INO80E: variants seen among roughly 807,000 people sequenced by gnomAD.
The protein encoded by INO80E is coiled-coil domain containing 95.
INO80E carries 20 observed loss-of-function variants against 27.3 expected under a neutral mutation model. That is an observed-to-expected ratio of 0.73 (90% CI 0.51 to 1.06). The LOEUF (loss-of-function observed/expected upper bound fraction) is 1.06, where lower values mean the gene tolerates loss of function less well. Among genes scored for constraint, INO80E ranks in the 50% least tolerant of loss-of-function variants. The pLI is 0.00. For missense variants in INO80E, 357 were observed against 322.8 expected, an observed-to-expected ratio of 1.11 and a Z score of -0.81; for synonymous variants, 167 against 145.9, an observed-to-expected ratio of 1.14 and a Z score of -1.04.
At chr16:30,001,158 C>T in intron 5 of INO80E, 118 bp downstream of exon 5, 2 of 1,471,138 alleles carry the variant, frequency 1.4e-6, no homozygotes, top group Non-Finnish European at 1.8e-6. Flanking sequence ...TGGGTGTGGC[C>T]CAAGTGTCCC....
At chr16:30,000,191 G>A (rs763083067) in intron 3 of INO80E, among the ~76,000 whole-genome samples, 1 of 152,102 alleles carries the variant, frequency 6.6e-6, no homozygotes, top group Non-Finnish European at 1.5e-5. Context: ...GTGGTGAGTG[G>A]GAAAGAGCCT....
intron 3 of INO80E, chr16:29,999,670 A>G (rs927825514): frequency 6.6e-6 from 1 of 152,264 alleles, no homozygotes. Flanking sequence ...ACTAGGAAAT[A>G]CATTTCTTTT....
chr16:30,001,410 G>C lies in INO80E; in HGVS notation c.397-4G>C. ...CCCATCTCCATCCCCGCTCCCGCCCGCAGCTGGCCTCCTCCCGCTACCCCC... is the reference window on the plus strand; with the variant it reads ...CCCATCTCCATCCCCGCTCCCGCCCCCAGCTGGCCTCCTCCCGCTACCCCC... On this transcript the variant is annotated splice_region_variant and splice_polypyrimidine_tract_variant and intron_variant, in intron 5 of 6. Transcript: ENST00000563197. 25 of 1,584,646 alleles carry C rather than the reference G, an allele frequency of 1.6e-5. No individual in the cohort carries two copies. Among genetic ancestry groups the C allele is most frequent in the Non-Finnish European group, 2.1e-5 (25 of 1,163,990 alleles).
chr16:30,001,472 A>G lies in INO80E; in HGVS notation c.455A>G (p.Glu152Gly), dbSNP rs768679908. ...GACTACCTGGCCCTGCAGCTGCCCGAGCCCAGTCCCCTGAGGCCCAAGCGG... is the reference window on the plus strand; with the variant it reads ...GACTACCTGGCCCTGCAGCTGCCCGGGCCCAGTCCCCTGAGGCCCAAGCGG... ...PSDYLALQLP[E>G]PSPLRPKREK... Residue 152 changes from glutamate (E) to glycine (G), a missense_variant, in exon 6 of 7, where the codon GAG becomes GGG. Glu to Gly is a moderately conservative substitution (Grantham distance 98, BLOSUM62 -2). Transcript: ENST00000563197. The G allele has an allele frequency of 6.2e-7, 1 of 1,613,016 alleles. No homozygotes were observed. The highest frequency in any genetic ancestry group is 1.1e-5 in the South Asian group (1 of 90,958).
rs751046777 is a variant in INO80E at position 30,001,434 on chromosome 16, C to G, written c.417C>G (p.Pro139=). The change falls in exon 6 of 7, where the codon CCC becomes CCG. Residue 139 remains proline, a synonymous_variant. Transcript: ENST00000563197. Reference sequence around the variant, plus strand: ...CGCAGCTGGCCTCCTCCCGCTACCCCCCATTCCCTTCTGACTACCTGGCCC... The same window carrying G: ...CGCAGCTGGCCTCCTCCCGCTACCCGCCATTCCCTTCTGACTACCTGGCCC... ...YLSSLASSRY[P]PFPSDYLALQ... The G allele has an allele frequency of 2.5e-6, 4 of 1,609,772 alleles. No individual in the cohort carries two copies. Among genetic ancestry groups the G allele is most frequent in the Admixed American group, 3.4e-5 (2 of 59,554 alleles).
chr16:29,996,716 A>G, intron 2 of INO80E, 92 bp from the exon 3 acceptor site: 1 of 1,591,408 alleles, frequency 6.3e-7, no homozygotes, highest in East Asian at 2.2e-5. Context: ...GGCTCTTTCA[A>G]GTATCCGATG....
At position 30,005,252 on chromosome 16, in the gene INO80E, G is replaced by C. The variant is rs574618029; in HGVS notation, c.545G>C (p.Gly182Ala). ...GTGGGACCCCCCGACTGCCCTGTGG[G>C]AGGGCCGCTGACCTTCCCTGGCCGG... ...MAVGPPDCPV[G>A]GPLTFPGRGS... Residue 182 changes from glycine (G) to alanine (A), a missense_variant, in exon 7 of 7, where the codon GGA becomes GCA. Transcript: ENST00000563197. The C allele has an allele frequency of 6.8e-6, 10 of 1,470,520 alleles. No individual in the cohort carries two copies. In the African/African-American group the frequency reaches 1.2e-4, roughly 17 times the overall value. The allele number at this position is 1,470,520 out of a possible 1,614,324, so 91.1% of individuals were successfully genotyped here. A position where few individuals can be genotyped will look rare whatever the true frequency, so the allele number is the denominator to read the frequency against.
At chr16:30,001,232 G>C (rs1180955530) in intron 5 of INO80E, 182 bp from the exon 6 acceptor site, 2 of 1,492,270 alleles carry the variant, frequency 1.3e-6, no homozygotes, top group Admixed American at 2.3e-5. Flanking sequence ...AGGCCTGACT[G>C]AGGAGAGCAA....
Position 30,000,855 on chromosome 16 carries a change from C to T in INO80E, c.284+19C>T, listed in dbSNP as rs755193308. ...CTAAGAGGTGAGAAGAAGATGCATT[C>T]CTCTCGCTGGGGAGGGTCAGGTGGG... On this transcript the variant is annotated intron_variant, in intron 4 of 6. Coordinates refer to ENST00000563197, the MANE Select transcript of INO80E (RefSeq NM_173618.3). The T allele has an allele frequency of 6.2e-7, 1 of 1,613,260 alleles. No homozygotes were observed. Among genetic ancestry groups the T allele is most frequent in the African/African-American group, 1.3e-5 (1 of 75,044 alleles).
chr16:29,999,042 C>T (rs59419098), intron 3 of INO80E, among the ~76,000 whole-genome samples: 20,572 of 149,550 alleles, frequency 0.14, 2,496 homozygotes, highest in African/African-American at 0.32. Flanking sequence ...AAGACTCCGT[C>T]TCAAAAAAAA....
chr16:30,000,870 G>C (rs2070323050), intron 4 of INO80E, 34 bp downstream of exon 4: 3 of 1,611,858 alleles, frequency 1.9e-6, no homozygotes, highest in Non-Finnish European at 2.5e-6. Context: ...CGCTGGGGAG[G>C]GTCAGGTGGG....
intron 6 of INO80E, among the ~76,000 whole-genome samples, chr16:30,004,874 G>A (rs1327339072): frequency 6.6e-6 from 1 of 152,136 alleles, no homozygotes; most frequent in Non-Finnish European, 1.5e-5. Context: ...CTCCGGGGCC[G>A]GCAGGCAGGC....
chr16:30,000,676 T>G, intron 3 of INO80E, 82 bp from the exon 4 acceptor site: 1 of 1,159,688 alleles, frequency 8.6e-7, no homozygotes, highest in South Asian at 1.3e-5. Context: ...TCCAGTGCCC[T>G]TCTGTAGTGT....
intron 3 of INO80E, among the ~76,000 whole-genome samples, chr16:29,997,961 G>C (rs1013677598): frequency 3.3e-5 from 5 of 151,596 alleles, no homozygotes; most frequent in Non-Finnish European, 7.4e-5. Context: ...GTATACATGT[G>C]GTCCCAGCTA....
chr16:29,996,503 C>T (rs2070119387), intron 1 of INO80E, 44 bp from the exon 2 acceptor site: 1 of 1,553,240 alleles, frequency 6.4e-7, no homozygotes. Context: ...CGGGGCCCTT[C>T]ACGGAGGACC....
chr16:30,001,515 GC>G lies in INO80E; in HGVS notation c.502del (p.Arg168GlyfsTer18). 2 of 1,612,798 alleles carry G rather than the reference GC, an allele frequency of 1.2e-6. No homozygotes were observed. Among genetic ancestry groups the G allele is most frequent in the Non-Finnish European group, 1.7e-6 (2 of 1,179,510 alleles). On this transcript the variant is annotated frameshift_variant, in exon 6 of 7. Transcript: ENST00000563197. LOFTEE classifies it high-confidence loss of function. ...CCAAGCGGGAGAAACGGCCCCGCCT[GC>G]CCCGGAAACTCAAGGTACCCTGACG... ...RPKREKRPRL[P>X]RKLKMAVGPP...
chr16:29,999,131 G>T (rs906643579), intron 3 of INO80E: 1 of 152,192 alleles, frequency 6.6e-6, no homozygotes, highest in South Asian at 2.1e-4. Flanking sequence ...TTGTCAGAAC[G>T]CATGATACCC....
chr16:29,997,374 T>C (rs2070169207), intron 3 of INO80E, among the ~76,000 whole-genome samples: 1 of 152,126 alleles, frequency 6.6e-6, no homozygotes, highest in Non-Finnish European at 1.5e-5. Flanking sequence ...TCTATAAAAC[T>C]TTATAGGCAC....
At position 29,996,767 on chromosome 16, in the gene INO80E, C is replaced by T. The variant is rs115295336; in HGVS notation, c.153-41C>T. 9.3e-5 allele frequency: 150 copies of T among 1,609,304 alleles called. No individual in the cohort carries two copies. The African/African-American group carries it at 1.9e-3, about 20-fold the overall frequency. On this transcript the variant is annotated intron_variant, in intron 2 of 6. Coordinates refer to ENST00000563197, the MANE Select transcript of INO80E (RefSeq NM_173618.3). Reference sequence around the variant, plus strand: ...ACAGGTACCCAGGAGGACATTGCTGCGCTGGAAAATCACTGTCCGTGTCTC... The same window carrying T: ...ACAGGTACCCAGGAGGACATTGCTGTGCTGGAAAATCACTGTCCGTGTCTC...
Sources: allele counts gnomAD v4.1 joint callset (sites outside exome capture counted in the v4.1 genomes callset), GRCh38; gene constraint gnomAD v4.1.1; transcripts MANE v1.5; gene names NCBI Gene and HGNC (gene_info 2026-07-23, HGNC 2026-07-21).